Variants in ZBTB8OS observed in about 807,000 individuals in gnomAD.
ZBTB8OS encodes tRNA splicing ligase complex subunit 1, also known as tRNA-splicing ligase-activating factor archease.
In ZBTB8OS, 16 loss-of-function variants were observed where a neutral mutation model predicts 29.3. The observed-to-expected ratio is 0.55, with a 90% confidence interval of 0.37 to 0.83. The LOEUF is 0.83. ZBTB8OS is among the 40% of genes least tolerant of loss of function. ZBTB8OS has a pLI of 0.00. For synonymous variants in ZBTB8OS, 70 were observed against 64.6 expected (o/e 1.08, Z -0.40); for missense variants, 160 against 196.9 (o/e 0.81, Z 1.12).
chr1:32,631,953 TTTTG>T (rs1645592101), intron 4 of ZBTB8OS, 74 bp from the exon 5 acceptor site: 6 of 837,558 alleles, frequency 7.2e-6, no homozygotes, highest in Admixed American at 3.5e-5. Context: ...TTTTGTTCTG[TTTTG>T]TTTTTTTGGA....
chr1:32,629,749 CTTTTTT>C (rs869185319), intron 5 of ZBTB8OS, among the ~76,000 whole-genome samples: 3 of 114,120 alleles, frequency 2.6e-5, no homozygotes, highest in Non-Finnish European at 3.7e-5. Context: ...ATGCTTGTTT[CTTTTTT>C]TTTTTTTTTT....
intron 1 of ZBTB8OS, among the ~76,000 whole-genome samples, chr1:32,641,152 A>G (rs1280354908): frequency 6.6e-6 from 1 of 151,964 alleles, no homozygotes; most frequent in Non-Finnish European, 1.5e-5. Context: ...AGCCTGGGCA[A>G]TAGAGCAAGC....
At chr1:32,629,864 T>C (rs1203141303) in intron 5 of ZBTB8OS, among the ~76,000 whole-genome samples, 1 of 150,778 alleles carries the variant, frequency 6.6e-6, no homozygotes, top group East Asian at 2.0e-4. Flanking sequence ...GCGATTCTCC[T>C]GCCTCAGCCT....
chr1:32,642,038 G>A (rs1377937014), intron 1 of ZBTB8OS, among the ~76,000 whole-genome samples: 7 of 152,024 alleles, frequency 4.6e-5, no homozygotes, highest in Non-Finnish European at 1.0e-4. Context: ...TCCTATCTAA[G>A]GGGTTTGGGG....
In ZBTB8OS at chr1:32,633,665, C is replaced by G; in HGVS notation, c.307G>C (p.Asp103His). 1.2e-6 allele frequency: 2 copies of G among 1,607,166 alleles called. No individual in the cohort carries two copies. Among genetic ancestry groups the G allele is most frequent in the Non-Finnish European group, 1.7e-6 (2 of 1,178,328 alleles). ...LDEWLYKFSA[D>H]EFFIPREVKV... ...CTTACCCGGGGTATGAAGAATTCAT[C>G]AGCACTGAACTTATAAAGCCATTCA... The change falls in exon 4 of 7, where the codon GAT becomes CAT. Residue 103 changes from aspartate to histidine, a missense_variant. Physicochemically the swap from Asp to His is moderately conservative, Grantham distance 81. Coordinates refer to ENST00000468695, the MANE Select transcript of ZBTB8OS (RefSeq NM_178547.5).
Position 32,621,794 on chromosome 1 carries a change from A to T in ZBTB8OS, c.*68T>A. On this transcript the variant is annotated 3_prime_UTR_variant, in exon 7 of 7. Transcript: ENST00000468695. ...AAAAAAGCTGTAGAATTTAATTCAT[A>T]GTGTCTTCTCAAAAGGAAGAGGAAA... 9.6e-7 allele frequency: 1 copy of T among 1,043,296 alleles called. No homozygotes were observed. Among genetic ancestry groups the T allele is most frequent in the Non-Finnish European group, 1.4e-6 (1 of 694,902 alleles). 64.6% of individuals were successfully genotyped at this position (1,043,296 alleles called of 1,614,324 possible).
At chr1:32,639,241 T>G (rs1646219252) in intron 1 of ZBTB8OS, among the ~76,000 whole-genome samples, 1 of 150,802 alleles carries the variant, frequency 6.6e-6, no homozygotes, top group African/African-American at 2.4e-5. Context: ...GAGGTTGCAG[T>G]GAGCCAAGAT....
At chr1:32,632,637 A>G (rs1645657165) in intron 4 of ZBTB8OS, among the ~76,000 whole-genome samples, 1 of 152,042 alleles carries the variant, frequency 6.6e-6, no homozygotes, top group South Asian at 2.1e-4. Flanking sequence ...GCCCAAGCTG[A>G]GTATTAAATA....
rs141817105 is a variant in ZBTB8OS at position 32,637,368 on chromosome 1, C to T, written c.98-2576G>A. Reference sequence around the variant, plus strand: ...CACGAGGTCAGGGGCTCGAGACCAGCCTGGCCAGTATGATGAAACCCCATC... The same window carrying T: ...CACGAGGTCAGGGGCTCGAGACCAGTCTGGCCAGTATGATGAAACCCCATC... On this transcript the variant is annotated intron_variant, in intron 1 of 6. Transcript: ENST00000468695. 4.9e-4 allele frequency among the ~76,000 whole-genome samples: 74 copies of T among 151,842 alleles called. No individual in the cohort carries two copies. In the East Asian group the frequency reaches 0.014, roughly 29 times the overall value.
At chr1:32,637,002 G>A (rs553127152) in intron 1 of ZBTB8OS, among the ~76,000 whole-genome samples, 9 of 152,124 alleles carry the variant, frequency 5.9e-5, no homozygotes, top group Non-Finnish European at 8.8e-5. Context: ...CTCTGTGGGA[G>A]GAAAGAATTC....
chr1:32,634,712 ACATT>A, intron 2 of ZBTB8OS, 52 bp downstream of exon 2: 1 of 1,609,282 alleles, frequency 6.2e-7, no homozygotes, highest in Non-Finnish European at 8.5e-7. Flanking sequence ...CAAGATTGAA[ACATT>A]CAGTCTTCCT....
intron 1 of ZBTB8OS, among the ~76,000 whole-genome samples, chr1:32,650,176 A>G (rs1647227424): frequency 6.6e-6 from 1 of 152,150 alleles, no homozygotes; most frequent in African/African-American, 2.4e-5. Flanking sequence ...TACGAAGATA[A>G]ATGTGATTAG....
At chr1:32,638,153 T>TA (rs998230589) in intron 1 of ZBTB8OS, among the ~76,000 whole-genome samples, 14 of 147,880 alleles carry the variant, frequency 9.5e-5, no homozygotes, top group South Asian at 2.1e-4. Flanking sequence ...ATATTTCAAT[T>TA]AAAAAAAAAT....
At chr1:32,639,447 A>C (rs1646238111) in intron 1 of ZBTB8OS, among the ~76,000 whole-genome samples, 1 of 152,086 alleles carries the variant, frequency 6.6e-6, no homozygotes, top group Non-Finnish European at 1.5e-5. Context: ...GCATATTTTT[A>C]TGAAAAAGTA....
At chr1:32,650,787 TG>T, upstream of ZBTB8OS, 1 of 579,214 alleles carries the variant, frequency 1.7e-6, no homozygotes, top group Non-Finnish European at 3.0e-6. Context: ...AAGGGCACCT[TG>T]AATGAAACCC....
At chr1:32,629,276 C>A (rs983817660) in intron 5 of ZBTB8OS, among the ~76,000 whole-genome samples, 4 of 151,598 alleles carry the variant, frequency 2.6e-5, no homozygotes, top group Non-Finnish European at 5.9e-5. Context: ...ATTAGCCAGG[C>A]ATGGTGGCAT....
chr1:32,634,212 T>C, intron 2 of ZBTB8OS, 140 bp from the exon 3 acceptor site: 1 of 604,346 alleles, frequency 1.7e-6, no homozygotes, highest in Non-Finnish European at 2.6e-6. Flanking sequence ...TGCAACCAGG[T>C]GCTTTTCTTT....
Position 32,634,806 on chromosome 1 carries a change from G to A in ZBTB8OS, c.98-14C>T, listed in dbSNP as rs1289942823. On this transcript the variant is annotated splice_polypyrimidine_tract_variant and intron_variant, in intron 1 of 6. Transcript: ENST00000468695. ...TATGATCCAAATCTGAGGGACAGAG[G>A]GAAAAACACTTATAAGACACTAAAC... is the stretch of plus-strand genomic sequence containing the variant. 4 of 1,572,496 alleles carry A rather than the reference G, an allele frequency of 2.5e-6. No individual in the cohort carries two copies. The Admixed American group carries it at 6.7e-5, about 26-fold the overall frequency.
intron 6 of ZBTB8OS, among the ~76,000 whole-genome samples, chr1:32,622,603 C>G (rs1409184736): frequency 6.6e-6 from 1 of 152,042 alleles, no homozygotes; most frequent in Non-Finnish European, 1.5e-5. Context: ...GAAAAACTGC[C>G]TATCAGGTAT....
Sources: allele counts gnomAD v4.1 joint callset (sites outside exome capture counted in the v4.1 genomes callset), GRCh38; gene constraint gnomAD v4.1.1; transcripts MANE v1.5; gene names NCBI Gene and HGNC (gene_info 2026-07-23, HGNC 2026-07-21).